Variants in NADSYN1 observed in about 807,000 individuals in gnomAD.
NADSYN1 encodes glutamine-dependent NAD(+) synthetase.
NADSYN1 carries 80 observed loss-of-function variants against 99.3 expected under a neutral mutation model. The ratio of observed to expected loss-of-function variants is 0.81; its 90% CI spans 0.67 to 0.97. The LOEUF (loss-of-function observed/expected upper bound fraction) is 0.97, where lower values mean the gene tolerates loss of function less well. NADSYN1 is among the 50% of genes least tolerant of loss of function. NADSYN1 has a pLI of 0.00. For synonymous variants in NADSYN1, 385 were observed against 372.1 expected, an observed-to-expected ratio of 1.03 and a Z score of -0.40; for missense variants, 859 against 948.5, an observed-to-expected ratio of 0.91 and a Z score of 1.24.
chr11:71,472,005 C>T (rs1449321432), intron 5 of NADSYN1, among the ~76,000 whole-genome samples: 2 of 152,156 alleles, frequency 1.3e-5, no homozygotes, highest in Admixed American at 6.5e-5. Flanking sequence ...CCTGATTTCT[C>T]GAATTGAGAG....
rs138899379 is a variant in NADSYN1 at position 71,489,572 on chromosome 11, T to C, written c.1563-1273T>C. The stretch of plus-strand genomic sequence containing the variant: ...AGAAAAAGTGCTAAGATGGAGACTG[T>C]CATCTCCCCTGGCCCATCTGGCCCG... On this transcript the variant is annotated intron_variant, in intron 16 of 20. Coordinates refer to ENST00000319023, the MANE Select transcript of NADSYN1 (RefSeq NM_018161.5). Among the ~76,000 whole-genome samples, 40 of 152,334 alleles carry C rather than the reference T, an allele frequency of 2.6e-4. 1 individual carries two copies. The East Asian group carries it at 7.7e-3, about 29-fold the overall frequency.
In NADSYN1 at chr11:71,481,923, G is replaced by C. The variant is rs575026551; in HGVS notation, c.1048G>C (p.Ala350Pro). Residue 350 changes from alanine (A) to proline (P), a missense_variant and splice_region_variant, in exon 13 of 21, where the codon GCA becomes CCA. Physicochemically the swap from Ala to Pro is conservative, Grantham distance 27 (BLOSUM62 -1). Coordinates refer to ENST00000319023, the MANE Select transcript of NADSYN1 (RefSeq NM_018161.5). Reference sequence around the variant, plus strand: ...ACGCTGTCTGATTGGTCCATTCCAGGCAGGGTTTTTGCTGCCCTTGAGTGG... The same window carrying C: ...ACGCTGTCTGATTGGTCCATTCCAGCCAGGGTTTTTGCTGCCCTTGAGTGG... ...LWDFLRRSQQ[A>P]GFLLPLSGGV... is the part of the protein sequence containing the mutation. 9 of 1,612,848 alleles carry C rather than the reference G, an allele frequency of 5.6e-6. No homozygotes were observed. The South Asian group carries it at 7.7e-5, about 14-fold the overall frequency.
At position 71,497,563 on chromosome 11, in the gene NADSYN1, G is replaced by A. The variant is rs1949828454; in HGVS notation, c.1845G>A (p.Met615Ile). 4 of 1,614,178 alleles carry A rather than the reference G, an allele frequency of 2.5e-6. No individual in the cohort carries two copies. In the South Asian group the frequency reaches 4.4e-5, roughly 18 times the overall value. The change falls in exon 19 of 21, where the codon ATG (methionine) becomes ATA (isoleucine). Residue 615 changes from methionine to isoleucine, a missense_variant. Physicochemically the swap from Met to Ile is conservative, Grantham distance 10 (BLOSUM62 1). Transcript: ENST00000319023. ...RKVAKMGPYSMFCKLLGMWRH... is the reference protein window; with the variant it reads ...RKVAKMGPYSIFCKLLGMWRH... The stretch of plus-strand genomic sequence containing the variant: ...TGGCCAAGATGGGGCCCTACAGCAT[G>A]TTCTGCAAACTCCTCGGCATGTGGA...
chr11:71,484,278 A>T, intron 14 of NADSYN1, 34 bp from the exon 15 acceptor site: 3 of 1,606,042 alleles, frequency 1.9e-6, no homozygotes, highest in African/African-American at 2.7e-5. Context: ...ACACGTGCAC[A>T]TGCTGCCTTC....
chr11:71,474,193 G>A (rs1055547569), intron 8 of NADSYN1, among the ~76,000 whole-genome samples: 2 of 152,224 alleles, frequency 1.3e-5, no homozygotes, highest in South Asian at 4.1e-4. Flanking sequence ...AATGTTTTGT[G>A]TAGAGCCTGG....
intron 8 of NADSYN1, 134 bp from the exon 9 acceptor site, chr11:71,474,261 G>A: frequency 8.6e-7 from 1 of 1,164,964 alleles, no homozygotes; most frequent in Non-Finnish European, 1.2e-6. Context: ...CCACACATAT[G>A]CGTTATCTCT....
intron 9 of NADSYN1, among the ~76,000 whole-genome samples, chr11:71,477,793 T>C (rs938837842): frequency 1.3e-5 from 2 of 152,076 alleles, no homozygotes; most frequent in African/African-American, 2.4e-5. Flanking sequence ...TCCTCCTTTG[T>C]GTTGGCCTCA....
chr11:71,490,455 C>T (rs1030541369), intron 16 of NADSYN1, among the ~76,000 whole-genome samples: 1 of 152,170 alleles, frequency 6.6e-6, no homozygotes, highest in Non-Finnish European at 1.5e-5. Context: ...ATTCTTCTGC[C>T]GACCACAGGC....
At chr11:71,471,471 G>A (rs1949626423) in intron 5 of NADSYN1, among the ~76,000 whole-genome samples, 1 of 152,218 alleles carries the variant, frequency 6.6e-6, no homozygotes, top group African/African-American at 2.4e-5. Flanking sequence ...GCTGGCTGTG[G>A]AGCACAGCTG....
chr11:71,467,535 CA>C (rs1004933106), intron 5 of NADSYN1, among the ~76,000 whole-genome samples: 2 of 152,010 alleles, frequency 1.3e-5, no homozygotes, highest in Admixed American at 1.3e-4. Flanking sequence ...ATGAGAAGCT[CA>C]AAAGGTAAGA....
At position 71,484,456 on chromosome 11, in the gene NADSYN1, G is replaced by T. The variant is rs138192167; in HGVS notation, c.1455+9G>T. On this transcript the variant is annotated intron_variant, in intron 15 of 20. Coordinates refer to ENST00000319023, the MANE Select transcript of NADSYN1 (RefSeq NM_018161.5). ...CGCTGCAAAATGTGCAGGTGCCCCC[G>T]CCTGGGCCGGCGTCCCCTGGGGGTG... 2.0e-5 allele frequency: 33 copies of T among 1,610,286 alleles called. No homozygotes were observed. The highest frequency in any genetic ancestry group is 1.7e-4 in the Middle Eastern group (1 of 6,046).
In NADSYN1 at chr11:71,480,443, G is replaced by A. The variant is rs563467597; in HGVS notation, c.874-312G>A. On this transcript the variant is annotated intron_variant, in intron 10 of 20. Coordinates refer to ENST00000319023, the MANE Select transcript of NADSYN1 (RefSeq NM_018161.5). ...CCTGCCTCAGCCTCCCAAAGTGCTG[G>A]GATTACAGGTGTGAGCCACCGTGCC... Among the ~76,000 whole-genome samples, 8 of 152,240 alleles carry A rather than the reference G, an allele frequency of 5.3e-5. No homozygotes were observed. The East Asian group carries it at 1.5e-3, about 29-fold the overall frequency.
chr11:71,491,793 TCG>T (rs1949780911), intron 17 of NADSYN1, 39 bp from the exon 18 acceptor site: 2 of 1,595,410 alleles, frequency 1.3e-6, no homozygotes, highest in African/African-American at 1.3e-5. Flanking sequence ...CACACCACCC[TCG>T]CAGCTGCACT....
At chr11:71,467,057 A>G (rs1421651494) in intron 5 of NADSYN1, among the ~76,000 whole-genome samples, 1 of 152,230 alleles carries the variant, frequency 6.6e-6, no homozygotes, top group Non-Finnish European at 1.5e-5. Flanking sequence ...TGACTGAGAC[A>G]TAAGTCCACT....
chr11:71,492,693 C>T (rs12288906), intron 18 of NADSYN1, among the ~76,000 whole-genome samples: 12,662 of 152,166 alleles, frequency 0.083, 629 homozygotes, highest in African/African-American at 0.14. Flanking sequence ...CTCTGAGTCT[C>T]TTGAACATCC....
intron 13 of NADSYN1, 116 bp downstream of exon 13, chr11:71,482,141 G>A: frequency 2.3e-6 from 2 of 868,438 alleles, no homozygotes; most frequent in Non-Finnish European, 3.6e-6. Context: ...CGGGGTGAAG[G>A]GGGCTTTGTG....
intron 16 of NADSYN1, 59 bp from the exon 17 acceptor site, chr11:71,490,786 A>G (rs1949773088): frequency 6.3e-7 from 1 of 1,592,726 alleles, no homozygotes; most frequent in Non-Finnish European, 8.6e-7. Context: ...CTGGCTGGCC[A>G]GGGTTGATGG....
chr11:71,500,161 A>G (rs888185830), intron 20 of NADSYN1: 3 of 152,294 alleles, frequency 2.0e-5, no homozygotes, highest in African/African-American at 7.2e-5. Flanking sequence ...TCAGTGCACA[A>G]CAGAGGCACA....
intron 11 of NADSYN1, 179 bp from the exon 12 acceptor site, chr11:71,481,177 G>C (rs935188611): frequency 1.4e-6 from 1 of 709,270 alleles, no homozygotes; most frequent in Non-Finnish European, 2.4e-6. Context: ...CCACGTCCTG[G>C]GTCTGTCTTC....
Sources: gnomAD v4.1 joint callset for allele counts (sites outside exome capture counted in the v4.1 genomes callset) on GRCh38, gnomAD v4.1.1 for gene constraint, MANE v1.5 for transcripts, NCBI Gene and HGNC (gene_info 2026-07-23, HGNC 2026-07-21) for gene names.